DTNA: variants seen among roughly 807,000 people sequenced by gnomAD.
DTNA encodes dystrobrevin alpha, also known as dystrophin-related protein 3.
In DTNA, 43 loss-of-function variants were observed where a neutral mutation model predicts 100.7. The ratio of observed to expected loss-of-function variants is 0.43; its 90% CI spans 0.33 to 0.55. The LOEUF (loss-of-function observed/expected upper bound fraction) is 0.55. DTNA is among the 20% of genes least tolerant of loss of function. DTNA has a pLI of 0.04. For synonymous variants in DTNA, 349 were observed against 347.9 expected (o/e 1.00, Z -0.04); for missense variants, 798 against 953.9 (o/e 0.84, Z 2.15).
At chr18:34,642,596 G>A (rs907739626) in intron 1 of DTNA, among the ~76,000 whole-genome samples, 1 of 149,278 alleles carries the variant, frequency 6.7e-6, no homozygotes, top group Non-Finnish European at 1.5e-5. Flanking sequence ...GTCTCGCTCT[G>A]TTGCCAGGCT....
Position 34,820,818 on chromosome 18 carries a change from G to T in DTNA, c.904G>T (p.Ala302Ser), listed in dbSNP as rs199983981. Residue 302 changes from alanine (A) to serine (S), a missense_variant, in exon 9 of 23, where the codon GCA becomes TCA. Physicochemically the swap from Ala to Ser is moderately conservative, Grantham distance 99 (BLOSUM62 1). Around this residue, in one of 6 missense-constraint regions of DTNA, gnomAD observed 93 missense variants for 90.5 expected, o/e 1.03. Transcript: ENST00000444659. ...ATCACCTGCTAAGAAGCTGACTAATGCATTAAGCAAGTCCCTGAGCTGTGC... is the reference window on the plus strand; with the variant it reads ...ATCACCTGCTAAGAAGCTGACTAATTCATTAAGCAAGTCCCTGAGCTGTGC... ...WKSPAKKLTNALSKSLSCASS... is the reference protein window; with the variant it reads ...WKSPAKKLTNSLSKSLSCASS... 6.2e-7 allele frequency: 1 copy of T among 1,614,114 alleles called. No individual in the cohort carries two copies. The highest frequency in any genetic ancestry group is 1.1e-5 in the South Asian group (1 of 91,080).
At chr18:34,599,148 A>G (rs1260847189) in intron 1 of DTNA, among the ~76,000 whole-genome samples, 1 of 152,084 alleles carries the variant, frequency 6.6e-6, no homozygotes, top group Non-Finnish European at 1.5e-5. Context: ...CATACAGGAC[A>G]CTCCTACCTT....
At chr18:34,509,503 A>C (rs1384589542) in intron 1 of DTNA, among the ~76,000 whole-genome samples, 3 of 152,088 alleles carry the variant, frequency 2.0e-5, no homozygotes, top group Non-Finnish European at 4.4e-5. Context: ...CTTTTAACCC[A>C]AACACTGTAA....
intron 17 of DTNA, chr18:34,866,223 C>G: frequency 6.2e-7 from 1 of 1,612,602 alleles, no homozygotes; most frequent in South Asian, 1.1e-5. Context: ...AATGTATGTT[C>G]ATGCTTCAGT....
At chr18:34,510,853 T>C (rs1220148439) in intron 1 of DTNA, among the ~76,000 whole-genome samples, 1 of 152,010 alleles carries the variant, frequency 6.6e-6, no homozygotes, top group African/African-American at 2.4e-5. Context: ...AAAATCAGAA[T>C]GCATGGATCT....
At chr18:34,824,949 A>T (rs1033690362) in intron 9 of DTNA, among the ~76,000 whole-genome samples, 2 of 138,980 alleles carry the variant, frequency 1.4e-5, no homozygotes, top group African/African-American at 6.2e-5. Flanking sequence ...AAAAAAAAAA[A>T]AAAATTAAAT....
intron 1 of DTNA, among the ~76,000 whole-genome samples, chr18:34,606,523 A>G (rs2053152646): frequency 6.6e-6 from 1 of 152,160 alleles, no homozygotes; most frequent in Admixed American, 6.5e-5. Context: ...ATTATACTCC[A>G]TATTTGAAGT....
intron 4 of DTNA, among the ~76,000 whole-genome samples, chr18:34,796,329 A>T (rs1481701290): frequency 6.6e-6 from 1 of 152,272 alleles, no homozygotes; most frequent in Non-Finnish European, 1.5e-5. Context: ...AGAAGTGAAT[A>T]TAAGAAGAGA....
chr18:34,777,075 C>T (rs1242326498), intron 3 of DTNA, among the ~76,000 whole-genome samples: 1 of 152,178 alleles, frequency 6.6e-6, no homozygotes, highest in East Asian at 1.9e-4. Context: ...CCCCTATCCG[C>T]CTTGTCCTAT....
intron 1 of DTNA, among the ~76,000 whole-genome samples, chr18:34,664,838 C>T (rs1375492763): frequency 6.6e-6 from 1 of 151,950 alleles, no homozygotes. Flanking sequence ...TAAACATAAA[C>T]AAAAGCTCTT....
chr18:34,743,350 C>T (rs1178562615), intron 1 of DTNA, among the ~76,000 whole-genome samples: 8 of 152,152 alleles, frequency 5.3e-5, no homozygotes, highest in African/African-American at 1.9e-4. Context: ...ACCCCATCTA[C>T]TTGGCTGTGT....
At chr18:34,869,818 G>C (rs1225583180) in intron 17 of DTNA, among the ~76,000 whole-genome samples, 1 of 152,176 alleles carries the variant, frequency 6.6e-6, no homozygotes. Context: ...TCAGGAGATC[G>C]AGACCATCCC....
chr18:34,795,969 C>G (rs80074498), intron 4 of DTNA, among the ~76,000 whole-genome samples: 1,904 of 152,242 alleles, frequency 0.013, 42 homozygotes, highest in African/African-American at 0.044. Flanking sequence ...TGATGAAAAG[C>G]TAAGTTTGAC....
chr18:34,639,802 T>A (rs576782312), intron 1 of DTNA, among the ~76,000 whole-genome samples: 18 of 152,334 alleles, frequency 1.2e-4, no homozygotes, highest in African/African-American at 4.1e-4. Flanking sequence ...CTTATTCTGC[T>A]CCCATGGAGT....
At chr18:34,703,862 A>T (rs972033826) in intron 1 of DTNA, among the ~76,000 whole-genome samples, 4 of 152,170 alleles carry the variant, frequency 2.6e-5, no homozygotes, top group African/African-American at 9.7e-5. Flanking sequence ...CAATTTCCAC[A>T]ATAGTGTGCA....
intron 1 of DTNA, among the ~76,000 whole-genome samples, chr18:34,655,069 C>G (rs946546955): frequency 1.2e-4 from 19 of 152,040 alleles, no homozygotes; most frequent in Admixed American, 1.2e-3. Context: ...AATTCTTTTA[C>G]TAACACATGT....
intron 22 of DTNA, among the ~76,000 whole-genome samples, chr18:34,886,574 C>G (rs1484859363): frequency 6.6e-6 from 1 of 152,196 alleles, no homozygotes; most frequent in African/African-American, 2.4e-5. Context: ...ATAAAATGTG[C>G]TTGCGTTAAA....
chr18:34,842,611 C>T (rs1349098824), intron 13 of DTNA, among the ~76,000 whole-genome samples: 4 of 151,996 alleles, frequency 2.6e-5, no homozygotes, highest in Non-Finnish European at 5.9e-5. Flanking sequence ...TGATCAATTC[C>T]TCCAACGAAC....
intron 1 of DTNA, among the ~76,000 whole-genome samples, chr18:34,541,223 TAATGATACA>T (rs377106408): frequency 1.1e-3 from 168 of 152,172 alleles, no homozygotes; most frequent in African/African-American, 3.9e-3. Flanking sequence ...ACAAGTTGGG[TAATGATACA>T]AATGATACAA....
Sources: gnomAD v4.1 joint callset for allele counts (sites outside exome capture counted in the v4.1 genomes callset) on GRCh38, gnomAD v4.1.1 for gene constraint, gnomAD v4.1.1 regional missense constraint, MANE v1.5 for transcripts, NCBI Gene and HGNC (gene_info 2026-07-23, HGNC 2026-07-21) for gene names.